Variants in IQCF1 observed in about 807,000 individuals in gnomAD.
IQCF1 encodes IQ motif containing F1, also known as IQ domain-containing protein F1.
IQCF1 carries 9 observed loss-of-function variants against 12.5 expected under a neutral mutation model. The observed-to-expected ratio is 0.72, with a 90% confidence interval of 0.43 to 1.26. The LOEUF is 1.26. Among genes scored for constraint, IQCF1 ranks in the 50% most tolerant of loss-of-function variants. The pLI, the probability that IQCF1 is intolerant of heterozygous loss-of-function variation, is 0.00. For missense variants in IQCF1, 252 were observed against 257.4 expected, an observed-to-expected ratio of 0.98 and a Z score of 0.14; for synonymous variants, 67 against 96.2, an observed-to-expected ratio of 0.70 and a Z score of 1.78.
Position 51,895,432 on chromosome 3 carries a change from G to T in IQCF1, c.172-96C>A. On this transcript the variant is annotated intron_variant, in intron 3 of 3. Transcript: ENST00000310914. This position sits in a 1 kb window ranked among gnomAD's most constrained non-coding sequence, Gnocchi z 4.8. ...AGGCCCTGATTCCCTATCAGCAACT[G>T]TCTCTTTTTCTGGAATTCAGGAGCA... The T allele has an allele frequency of 9.0e-7, 1 of 1,114,766 alleles. No individual in the cohort carries two copies. Among genetic ancestry groups the T allele is most frequent in the Non-Finnish European group, 1.3e-6 (1 of 788,726 alleles). The allele number at this position is 1,114,766 out of a possible 1,614,324, so 69.1% of individuals were successfully genotyped here.
rs976227030 is a variant in IQCF1 at position 51,894,891 on chromosome 3, C to A, written c.617G>T (p.Ter206LeuextTer?). 1 of 1,612,322 alleles carries A rather than the reference C, an allele frequency of 6.2e-7. No homozygotes were observed. The highest frequency in any genetic ancestry group is 1.3e-5 in the African/African-American group (1 of 75,018). Residue 206 changes from the stop codon to leucine, a stop_lost, in exon 4 of 4, where the codon TGA (stop) becomes TTA (leucine). Transcript: ENST00000310914. ...TECIPFSIKE[*>L] Reference sequence around the variant, plus strand: ...AGAGACTATCTGGAAAAGACCACTTCATTCCTTTATTGAGAAGGGAATACA... The same window carrying A: ...AGAGACTATCTGGAAAAGACCACTTAATTCCTTTATTGAGAAGGGAATACA...
In IQCF1 at chr3:51,895,251, C is replaced by T. The variant is rs775482114; in HGVS notation, c.257G>A (p.Arg86Gln). The T allele has an allele frequency of 9.3e-6, 15 of 1,613,940 alleles. No homozygotes were observed. The highest frequency in any genetic ancestry group is 6.7e-5 in the Admixed American group (4 of 59,990). ...QAWWRGTLVR[R>Q]ALLHAALSAC... ...ACTGAGGGCTGCGTGCAACAGTGCC[C>T]GACGCACCAGGGTGCCCCGCCACCA... The change falls in exon 4 of 4, where the codon CGG becomes CAG. Residue 86 changes from arginine to glutamine, a missense_variant. Physicochemically the swap from Arg to Gln is conservative, Grantham distance 43 (BLOSUM62 1). Coordinates refer to ENST00000310914, the MANE Select transcript of IQCF1 (RefSeq NM_152397.3). This position sits in a 1 kb window ranked among gnomAD's most constrained non-coding sequence, Gnocchi z 4.8.
intron 2 of IQCF1, among the ~76,000 whole-genome samples, chr3:51,898,786 G>C (rs1012266856): frequency 6.6e-6 from 1 of 152,182 alleles, no homozygotes; most frequent in South Asian, 2.1e-4. Flanking sequence ...CCAGACCTAC[G>C]AGGAGCTCCC....
At chr3:51,897,923 G>A (rs1184284381) in intron 2 of IQCF1, among the ~76,000 whole-genome samples, 3 of 152,194 alleles carry the variant, frequency 2.0e-5, no homozygotes. Context: ...TGGTTTGAGG[G>A]GTTGAGCCTT....
intron 2 of IQCF1, among the ~76,000 whole-genome samples, chr3:51,898,394 CTTG>C (rs1281050898): frequency 6.6e-6 from 1 of 152,194 alleles, no homozygotes; most frequent in Non-Finnish European, 1.5e-5. Flanking sequence ...CCAATACCAC[CTTG>C]TTGTCAGTGT....
intron 2 of IQCF1, among the ~76,000 whole-genome samples, chr3:51,898,765 C>T (rs768584259): frequency 6.6e-6 from 1 of 152,170 alleles, no homozygotes; most frequent in Non-Finnish European, 1.5e-5. Flanking sequence ...AATTACCATA[C>T]AAAGGTCCAA....
At chr3:51,898,218 AAGAG>A (rs911495046) in intron 2 of IQCF1, among the ~76,000 whole-genome samples, 1 of 149,008 alleles carries the variant, frequency 6.7e-6, no homozygotes, top group African/African-American at 2.5e-5. Flanking sequence ...AACACAGTCA[AAGAG>A]AGAGAGAAAG....
Position 51,896,863 on chromosome 3 carries a change from GTC to G in IQCF1, c.138_139del (p.Gln46HisfsTer7). The G allele has an allele frequency of 2.5e-6, 4 of 1,613,436 alleles. No homozygotes were observed. Among genetic ancestry groups the G allele is most frequent in the Non-Finnish European group, 3.4e-6 (4 of 1,179,420 alleles). Reference sequence around the variant, plus strand: ...TGATTTCTCATTGGCATTGTCCACTGTCTGTGTCTCAACCAGAACTGGAGTTT... The same window carrying G: ...TGATTTCTCATTGGCATTGTCCACTGTGTGTCTCAACCAGAACTGGAGTTT... On this transcript the variant is annotated frameshift_variant, in exon 3 of 4. Coordinates refer to ENST00000310914, the MANE Select transcript of IQCF1 (RefSeq NM_152397.3). LOFTEE classifies it low-confidence loss of function (END_TRUNC).
chr3:51,903,173 A>T, intron 1 of IQCF1, 84 bp from the exon 2 acceptor site: 1 of 1,590,602 alleles, frequency 6.3e-7, no homozygotes, highest in Non-Finnish European at 8.6e-7. Flanking sequence ...CCCAGCTTCC[A>T]GGGCTTCTTA....
Position 51,894,912 on chromosome 3 carries a change from A to G in IQCF1, c.596T>C (p.Ile199Thr), listed in dbSNP as rs142254753. Residue 199 changes from isoleucine (I) to threonine (T), a missense_variant, in exon 4 of 4, where the codon ATT becomes ACT. Physicochemically the swap from Ile to Thr is moderately conservative, Grantham distance 89. Transcript: ENST00000310914. ...DSGPCIVTEC[I>T]PFSIKE Reference sequence around the variant, plus strand: ...ACTTCATTCCTTTATTGAGAAGGGAATACACTCTGTCACAATGCAAGGCCC... The same window carrying G: ...ACTTCATTCCTTTATTGAGAAGGGAGTACACTCTGTCACAATGCAAGGCCC... The G allele has an allele frequency of 4.0e-4, 650 of 1,614,068 alleles. 8 individuals carry two copies. In the East Asian group the frequency reaches 0.013, roughly 33 times the overall value.
At chr3:51,899,819 A>G (rs1203697656) in intron 2 of IQCF1, among the ~76,000 whole-genome samples, 2 of 152,230 alleles carry the variant, frequency 1.3e-5, no homozygotes, top group Non-Finnish European at 2.9e-5. Context: ...TAAGTTTAAC[A>G]TTAATAACAC....
At position 51,903,327 on chromosome 3, in the gene IQCF1, T is replaced by G; in HGVS notation, c.-55A>C. ...TCAAATCCCCTCACATCTGTGTTCA[T>G]CCAGCCATAGCATAGGCAGGAAGGG... On this transcript the variant is annotated 5_prime_UTR_variant, in exon 1 of 4. It removes an upstream start codon present in the reference 5' UTR. Coordinates refer to ENST00000310914, the MANE Select transcript of IQCF1 (RefSeq NM_152397.3). 1 of 1,603,932 alleles carries G rather than the reference T, an allele frequency of 6.2e-7. No homozygotes were observed. Among genetic ancestry groups the G allele is most frequent in the Non-Finnish European group, 8.5e-7 (1 of 1,170,746 alleles).
chr3:51,894,991 A>G lies in IQCF1; in HGVS notation c.517T>C (p.Tyr173His), dbSNP rs1200691528. The G allele has an allele frequency of 6.2e-7, 1 of 1,614,218 alleles. No homozygotes were observed. The highest frequency in any genetic ancestry group is 8.5e-7 in the Non-Finnish European group (1 of 1,180,040). Residue 173 changes from tyrosine (Y) to histidine (H), a missense_variant, in exon 4 of 4, where the codon TAC (tyrosine) becomes CAC (histidine). Tyr to His is a moderately conservative substitution (Grantham distance 83). Transcript: ENST00000310914. ...CASRGFIKGQ[Y>H]RVTANQLHLQ... ...TGCAGCTGGTTGGCTGTGACTCTGT[A>G]CTGGCCCTTGATGAACCCCCGGGAA...
rs1490682897 is a variant in IQCF1 at position 51,900,103 on chromosome 3, C to A, written c.108+2882G>T. 2.0e-5 allele frequency among the ~76,000 whole-genome samples: 3 copies of A among 152,104 alleles called. No homozygotes were observed. The highest frequency in any genetic ancestry group is 4.4e-5 in the Non-Finnish European group (3 of 68,022). ...TAAAAGTCTTTTAGCACAGGTACCA[C>A]CCCTAGAATTTCCGGTAAACCAGCA... On this transcript the variant is annotated intron_variant, in intron 2 of 3. Transcript: ENST00000310914. This position sits in a 1 kb window ranked among gnomAD's most constrained non-coding sequence, Gnocchi z 4.2.
At chr3:51,902,811 G>A (rs574939722) in intron 2 of IQCF1, 174 bp downstream of exon 2, 166 of 682,416 alleles carry the variant, frequency 2.4e-4, no homozygotes, top group East Asian at 5.3e-4. Flanking sequence ...CTGTAAGGGC[G>A]CACCCTTCTA....
Position 51,895,291 on chromosome 3 carries a change from T to C in IQCF1, c.217A>G (p.Thr73Ala). ...CCCCGCCACCAGGCCTGGATCTTGG[T>C]GGCTACCGTATCTTTGTCAGAGAGC... is the stretch of plus-strand genomic sequence containing the variant. ...KKLSDKDTVA[T>A]KIQAWWRGTL... Residue 73 changes from threonine (T) to alanine (A), a missense_variant, in exon 4 of 4, where the codon ACC becomes GCC. By Grantham distance (58) the Thr-to-Ala change is moderately conservative (BLOSUM62 0). Coordinates refer to ENST00000310914, the MANE Select transcript of IQCF1 (RefSeq NM_152397.3). The surrounding 1 kb of genome is among the most constrained non-coding windows in gnomAD (Gnocchi z 4.8). The C allele has an allele frequency of 6.2e-7, 1 of 1,614,026 alleles. No homozygotes were observed.
chr3:51,902,893 G>T, intron 2 of IQCF1, 92 bp downstream of exon 2: 1 of 1,008,868 alleles, frequency 9.9e-7, no homozygotes, highest in Non-Finnish European at 1.6e-6. Context: ...TTGCGGCACA[G>T]AAACTTCACT....
rs1699068504 is a variant in IQCF1, at chr3:51,900,949, A to G, written c.108+2036T>C. On this transcript the variant is annotated intron_variant, in intron 2 of 3. Coordinates refer to ENST00000310914, the MANE Select transcript of IQCF1 (RefSeq NM_152397.3). The surrounding 1 kb of genome is among the most constrained non-coding windows in gnomAD (Gnocchi z 4.2). ...ATTTCTTTGAACCCCCACCGCCTGC[A>G]CCTTCCTCTAAGCCTTCTTCCAAAA... 6.6e-6 allele frequency among the ~76,000 whole-genome samples: 1 copy of G among 152,158 alleles called. No individual in the cohort carries two copies. Among genetic ancestry groups the G allele is most frequent in the Admixed American group, 6.5e-5 (1 of 15,270 alleles).
At chr3:51,896,726 C>CACAA in intron 3 of IQCF1, 106 bp downstream of exon 3, 1 of 852,404 alleles carries the variant, frequency 1.2e-6, no homozygotes, top group Non-Finnish European at 2.0e-6. Flanking sequence ...CACACACACA[C>CACAA]ACATACTTCT....
Sources: gnomAD v4.1 joint callset for allele counts (sites outside exome capture counted in the v4.1 genomes callset) on GRCh38, gnomAD v4.1.1 for gene constraint, Gnocchi (gnomAD v3.1) non-coding constraint, MANE v1.5 for transcripts, NCBI Gene and HGNC (gene_info 2026-07-23, HGNC 2026-07-21) for gene names.